Variants in CNTNAP2 observed in about 807,000 individuals in gnomAD.
CNTNAP2 encodes the protein contactin-associated protein-like 2.
Under a neutral mutation model 155.2 loss-of-function variants are expected in CNTNAP2, and 98 were observed. The observed-to-expected ratio is 0.63, with a 90% CI of 0.54 to 0.75. The LOEUF is 0.75. Among genes scored for constraint, CNTNAP2 ranks in the 30% least tolerant of loss-of-function variants. The probability of loss-of-function intolerance (pLI) is 0.00; values close to 1 mark genes in which losing one functional copy is unlikely to be tolerated. For missense variants in CNTNAP2, 1,727 were observed against 1,688.1 expected, an observed-to-expected ratio of 1.02 and a Z score of -0.40; for synonymous variants, 651 against 631.2, an observed-to-expected ratio of 1.03 and a Z score of -0.47.
intron 1 of CNTNAP2, among the ~76,000 whole-genome samples, chr7:146,736,545 G>A (rs1308515801): frequency 6.6e-6 from 1 of 152,148 alleles, no homozygotes; most frequent in East Asian, 1.9e-4. Context: ...TGAGGCAACT[G>A]ACACAAGTAG....
At chr7:148,360,063 C>T (rs1346817563) in intron 21 of CNTNAP2, among the ~76,000 whole-genome samples, 1 of 152,066 alleles carries the variant, frequency 6.6e-6, no homozygotes, top group African/African-American at 2.4e-5. Flanking sequence ...GATTGGCAGC[C>T]ATGGGTTGGC....
intron 14 of CNTNAP2, among the ~76,000 whole-genome samples, chr7:147,941,066 G>A (rs568330229): frequency 6.6e-6 from 1 of 152,296 alleles, no homozygotes; most frequent in South Asian, 2.1e-4. Flanking sequence ...AACTATACAC[G>A]TACTTTCTGA....
At chr7:147,474,761 ATCT>A (rs1798285813) in intron 10 of CNTNAP2, among the ~76,000 whole-genome samples, 1 of 152,112 alleles carries the variant, frequency 6.6e-6, no homozygotes, top group Non-Finnish European at 1.5e-5. Flanking sequence ...CCTGACCTAA[ATCT>A]TCTCCCCACT....
In CNTNAP2 at chr7:147,275,378, G is replaced by A. The variant is rs1370582723; in HGVS notation, c.1349-24763G>A. ...TCTTGTAAAGATCTTTCACCTCCTTGGCTAAACATATTCCTAGATAGTGTG... is the reference window on the plus strand; with the variant it reads ...TCTTGTAAAGATCTTTCACCTCCTTAGCTAAACATATTCCTAGATAGTGTG... On this transcript the variant is annotated intron_variant, in intron 8 of 23. Coordinates refer to ENST00000361727, the MANE Select transcript of CNTNAP2 (RefSeq NM_014141.6). Among the ~76,000 whole-genome samples the A allele has an allele frequency of 2.0e-5, 3 of 151,268 alleles. No homozygotes were observed. The South Asian group carries it at 6.3e-4, about 32-fold the overall frequency.
chr7:146,801,928 T>C (rs931546464), intron 2 of CNTNAP2, among the ~76,000 whole-genome samples: 3 of 152,196 alleles, frequency 2.0e-5, no homozygotes, highest in African/African-American at 7.2e-5. Context: ...AAGACAGATA[T>C]GAATCTCAGT....
intron 1 of CNTNAP2, among the ~76,000 whole-genome samples, chr7:146,690,887 A>G (rs188304122): frequency 5.9e-5 from 9 of 152,266 alleles, no homozygotes; most frequent in Non-Finnish European, 1.2e-4. Context: ...CCTCTGGGCT[A>G]AAAATATATA....
At chr7:146,688,416 A>G (rs1422736824) in intron 1 of CNTNAP2, among the ~76,000 whole-genome samples, 2 of 152,084 alleles carry the variant, frequency 1.3e-5, no homozygotes, top group Admixed American at 1.3e-4. Context: ...GTGCAGGCCA[A>G]CTGACTCTGA....
intron 1 of CNTNAP2, among the ~76,000 whole-genome samples, chr7:146,518,619 T>A (rs904267718): frequency 2.0e-5 from 3 of 151,790 alleles, no homozygotes; most frequent in African/African-American, 4.8e-5. Flanking sequence ...TAGCAAAAAA[T>A]TTTTATGTCC....
chr7:146,668,427 C>CGTGTGT (rs1563180570), intron 1 of CNTNAP2, among the ~76,000 whole-genome samples: 1 of 101,168 alleles, frequency 9.9e-6, no homozygotes, highest in African/African-American at 3.8e-5. Context: ...CTGTAATTTT[C>CGTGTGT]CTGTGTGTGT....
chr7:146,839,894 G>T lies in CNTNAP2; in HGVS notation c.392G>T (p.Gly131Val). ...GRNWKPYHQD[G>V]NIWAFPGNIN... ...AACTGGAAACCCTATCATCAAGATG[G>T]GAATATCTGGGTAAGTCATTGGCAG... The change falls in exon 3 of 24, where the codon GGG becomes GTG. Residue 131 changes from glycine to valine, a missense_variant. Physicochemically the swap from Gly to Val is moderately radical, Grantham distance 109. Transcript: ENST00000361727. 1 of 1,614,080 alleles carries T rather than the reference G, an allele frequency of 6.2e-7. No individual in the cohort carries two copies. Among genetic ancestry groups the T allele is most frequent in the Non-Finnish European group, 8.5e-7 (1 of 1,180,018 alleles).
In CNTNAP2 at chr7:146,744,474, A is replaced by G. The variant is rs117220592; in HGVS notation, c.98-29797A>G. On this transcript the variant is annotated intron_variant, in intron 1 of 23. Transcript: ENST00000361727. ...TCACTTCTGCTTCTTCCATTTAATT[A>G]GCAAGTATTTGCCAAGTAGTTATTA... Among the ~76,000 whole-genome samples the G allele has an allele frequency of 8.0e-3, 1,224 of 152,312 alleles. 11 individuals carry two copies. The highest frequency in any genetic ancestry group is 0.014 in the South Asian group (69 of 4,832).
chr7:148,066,245 C>T (rs1335238012), intron 15 of CNTNAP2, among the ~76,000 whole-genome samples: 1 of 152,184 alleles, frequency 6.6e-6, no homozygotes, highest in African/African-American at 2.4e-5. Flanking sequence ...TTTAGATAAC[C>T]TAATGACTAT....
chr7:148,040,377 A>G (rs1802648109), intron 15 of CNTNAP2, among the ~76,000 whole-genome samples: 2 of 152,210 alleles, frequency 1.3e-5, no homozygotes, highest in East Asian at 3.8e-4. Context: ...CCTCAGATGA[A>G]ACTTCATTAC....
At chr7:147,572,773 A>G (rs142052621) in intron 12 of CNTNAP2, among the ~76,000 whole-genome samples, 52 of 152,148 alleles carry the variant, frequency 3.4e-4, no homozygotes, top group Middle Eastern at 3.4e-3. Context: ...ATTTCTTTGC[A>G]ATCAAAAATC....
rs376848477 is a variant in CNTNAP2 at position 147,587,275 on chromosome 7, C to T, written c.1897+25018C>T. 1.6e-4 allele frequency among the ~76,000 whole-genome samples: 24 copies of T among 152,202 alleles called. 1 individual carries two copies. In the East Asian group the frequency reaches 3.9e-3, roughly 25 times the overall value. On this transcript the variant is annotated intron_variant, in intron 12 of 23. Transcript: ENST00000361727. The stretch of plus-strand genomic sequence containing the variant: ...GTTCAGAACCGATGCTAAGACAAGA[C>T]GCAGGTCTAGAGCTCATAAGACTGG...
intron 12 of CNTNAP2, among the ~76,000 whole-genome samples, chr7:147,598,931 T>C (rs917608356): frequency 2.0e-5 from 3 of 152,146 alleles, no homozygotes; most frequent in South Asian, 2.1e-4. Flanking sequence ...TCTGTGATGA[T>C]TATAAGTTTC....
At chr7:146,661,420 G>A (rs532373708) in intron 1 of CNTNAP2, among the ~76,000 whole-genome samples, 9 of 151,968 alleles carry the variant, frequency 5.9e-5, no homozygotes, top group African/African-American at 2.2e-4. Flanking sequence ...CCCATGCTCC[G>A]ATGTAATCAA....
At chr7:147,199,680 G>C (rs892005433) in intron 8 of CNTNAP2, among the ~76,000 whole-genome samples, 1 of 151,580 alleles carries the variant, frequency 6.6e-6, no homozygotes, top group Non-Finnish European at 1.5e-5. Flanking sequence ...GGAGATTGTG[G>C]ATGAATATTG....
chr7:146,339,844 C>T (rs1801345204), intron 1 of CNTNAP2, among the ~76,000 whole-genome samples: 1 of 152,060 alleles, frequency 6.6e-6, no homozygotes, highest in Non-Finnish European at 1.5e-5. Context: ...ACAAAACACC[C>T]TCCTCGGAGT....
Sources: gnomAD v4.1 joint callset for allele counts (sites outside exome capture counted in the v4.1 genomes callset) on GRCh38, gnomAD v4.1.1 for gene constraint, MANE v1.5 for transcripts, NCBI Gene and HGNC (gene_info 2026-07-23, HGNC 2026-07-21) for gene names.